FAN1: variants seen among roughly 807,000 people sequenced by gnomAD.
FAN1 encodes the protein fanconi-associated nuclease 1.
Under a neutral mutation model 104.9 loss-of-function variants are expected in FAN1, and 91 were observed. That is an observed-to-expected ratio of 0.87 (90% confidence interval 0.73 to 1.03). The LOEUF is 1.03. Among genes scored for constraint, FAN1 ranks in the 50% least tolerant of loss-of-function variants. The pLI, the probability that FAN1 is intolerant of heterozygous loss-of-function variation, is 0.00. For missense variants in FAN1, 1,263 were observed against 1,239.9 expected, an observed-to-expected ratio of 1.02 and a Z score of -0.28; for synonymous variants, 478 against 457.6, an observed-to-expected ratio of 1.04 and a Z score of -0.57.
chr15:30,923,386 C>T (rs953966518), intron 8 of FAN1, among the ~76,000 whole-genome samples: 2 of 152,090 alleles, frequency 1.3e-5, no homozygotes, highest in African/African-American at 4.8e-5. Context: ...AATAAAAGTT[C>T]AAGAGAGTAC....
rs921079259 is a variant in FAN1, at chr15:30,942,921, T to C, written c.*1359T>C. On this transcript the variant is annotated 3_prime_UTR_variant, in exon 15 of 15. Coordinates refer to ENST00000362065, the MANE Select transcript of FAN1 (RefSeq NM_014967.5). Reference sequence around the variant, plus strand: ...CCGTTTAAAAGACTTCACGGAGCCATTCTGTATACAAGGTGTGCTCTTTCC... The same window carrying C: ...CCGTTTAAAAGACTTCACGGAGCCACTCTGTATACAAGGTGTGCTCTTTCC... 2 of 1,568,488 alleles carry C rather than the reference T, an allele frequency of 1.3e-6. No homozygotes were observed. Among genetic ancestry groups the C allele is most frequent in the African/African-American group, 1.3e-5 (1 of 74,188 alleles).
intron 5 of FAN1, among the ~76,000 whole-genome samples, chr15:30,915,526 C>T (rs962213050): frequency 3.3e-5 from 5 of 151,912 alleles, no homozygotes; most frequent in Admixed American, 6.5e-5. Flanking sequence ...TCTAACTACT[C>T]GGGAGGCTGG....
intron 4 of FAN1, 63 bp from the exon 5 acceptor site, chr15:30,913,795 G>T: frequency 9.4e-7 from 1 of 1,062,502 alleles, no homozygotes; most frequent in South Asian, 1.5e-5. Context: ...AAAATAATTT[G>T]TAAAATCTGA....
chr15:30,940,270 G>C (rs1053437667), intron 14 of FAN1: 1 of 971,898 alleles, frequency 1.0e-6, no homozygotes. Flanking sequence ...CACACAGTTT[G>C]GAAATACTTT....
chr15:30,907,884 T>A (rs2062016616), intron 2 of FAN1, among the ~76,000 whole-genome samples: 1 of 152,208 alleles, frequency 6.6e-6, no homozygotes, highest in South Asian at 2.1e-4. Context: ...AGGGCTTTTC[T>A]GAGGGAGTAG....
At chr15:30,930,811 T>G (rs2062690355) in intron 13 of FAN1, 140 bp downstream of exon 13, 2 of 1,050,034 alleles carry the variant, frequency 1.9e-6, no homozygotes, top group South Asian at 2.7e-5. Flanking sequence ...TGGGTTCCTG[T>G]GGGCCTGTCC....
chr15:30,928,811 C>T (rs2140943888), intron 11 of FAN1, 155 bp downstream of exon 11: 1 of 982,322 alleles, frequency 1.0e-6, no homozygotes, highest in Non-Finnish European at 1.2e-6. Flanking sequence ...TTTTAAAAAT[C>T]TGAGTAATAG....
At position 30,928,539 on chromosome 15, in the gene FAN1, T is replaced by TGC; in HGVS notation, c.2489-13_2489-12insCG. ...GTGTGTGTGTGTGTGTGTGTGTGTG[T>TGC]GACCTTGTCTTAGGGATTCATGGCG... On this transcript the variant is annotated splice_polypyrimidine_tract_variant and intron_variant, in intron 10 of 14. Coordinates refer to ENST00000362065, the MANE Select transcript of FAN1 (RefSeq NM_014967.5). 6.2e-7 allele frequency: 1 copy of TGC among 1,611,294 alleles called. No homozygotes were observed. Among genetic ancestry groups the TGC allele is most frequent in the East Asian group, 2.2e-5 (1 of 44,868 alleles).
intron 6 of FAN1, among the ~76,000 whole-genome samples, chr15:30,920,212 T>C (rs1270290891): frequency 4.6e-5 from 7 of 150,820 alleles, no homozygotes; most frequent in Admixed American, 3.9e-4. Flanking sequence ...TTATTCTCTT[T>C]ATTTATTAAC....
chr15:30,936,880 C>G (rs1157819884), intron 13 of FAN1, among the ~76,000 whole-genome samples: 1 of 152,088 alleles, frequency 6.6e-6, no homozygotes, highest in Non-Finnish European at 1.5e-5. Context: ...GGGAAAAGAT[C>G]AACACTCAGA....
intron 14 of FAN1, chr15:30,939,941 T>A (rs1192555808): frequency 1.0e-6 from 1 of 985,016 alleles, no homozygotes; most frequent in Non-Finnish European, 1.2e-6. Context: ...AGATATTTTT[T>A]AAGAACTCCT....
chr15:30,928,572 C>T lies in FAN1; in HGVS notation c.2508C>T (p.Ser836=). 1 of 1,609,374 alleles carries T rather than the reference C, an allele frequency of 6.2e-7. No homozygotes were observed. Among genetic ancestry groups the T allele is most frequent in the Non-Finnish European group, 8.5e-7 (1 of 1,178,806 alleles). The change falls in exon 11 of 15, where the codon TCC becomes TCT. Residue 836 remains serine (S), a synonymous_variant. Coordinates refer to ENST00000362065, the MANE Select transcript of FAN1 (RefSeq NM_014967.5). Reference sequence around the variant, plus strand: ...TCTTAGGGATTCATGGCGAAGGGTCCACCTTCAGCACCCTGTATGGCCTCC... The same window carrying T: ...TCTTAGGGATTCATGGCGAAGGGTCTACCTTCAGCACCCTGTATGGCCTCC... ...GFDQGIHGEG[S]TFSTLYGLLL... is the part of the protein sequence containing the mutation.
At chr15:30,926,734 G>T (rs2062473074) in intron 10 of FAN1, 5 of 985,334 alleles carry the variant, frequency 5.1e-6, no homozygotes, top group Non-Finnish European at 6.0e-6. Context: ...GTGGAAACTG[G>T]ACACTCGCTG....
At chr15:30,925,042 C>T (rs1171289718) in intron 8 of FAN1, 85 bp from the exon 9 acceptor site, 2 of 1,396,160 alleles carry the variant, frequency 1.4e-6, no homozygotes, top group African/African-American at 1.4e-5. Context: ...CAATAATAAA[C>T]AGTGGGCTTT....
chr15:30,922,669 G>A (rs1326083109), intron 8 of FAN1, among the ~76,000 whole-genome samples: 1 of 152,228 alleles, frequency 6.6e-6, no homozygotes, highest in East Asian at 1.9e-4. Flanking sequence ...TCAGCCGTCA[G>A]CAAGTCAGCA....
At chr15:30,916,301 AAATG>A (rs931070728) in intron 5 of FAN1, among the ~76,000 whole-genome samples, 1 of 152,170 alleles carries the variant, frequency 6.6e-6, no homozygotes, top group African/African-American at 2.4e-5. Context: ...CTCATCTGTC[AAATG>A]GGGAGAATAA....
chr15:30,938,108 C>T (rs12914843), intron 14 of FAN1, among the ~76,000 whole-genome samples: 10,585 of 151,530 alleles, frequency 0.07, 407 homozygotes, highest in South Asian at 0.091. Flanking sequence ...GGCGTGAACC[C>T]GGGAGGTGGA....
chr15:30,936,479 C>T (rs2062855598), intron 13 of FAN1, among the ~76,000 whole-genome samples: 1 of 152,190 alleles, frequency 6.6e-6, no homozygotes, highest in Admixed American at 6.5e-5. Flanking sequence ...CCAGTGCATG[C>T]TTTAAAACAA....
Position 30,904,759 on chromosome 15 carries a change from G to C in FAN1, c.96G>C (p.Ser32=), listed in dbSNP as rs2061933510. 6.2e-7 allele frequency: 1 copy of C among 1,613,000 alleles called. No individual in the cohort carries two copies. The highest frequency in any genetic ancestry group is 1.3e-5 in the African/African-American group (1 of 74,878). Reference sequence around the variant, plus strand: ...AAAAAGCATCTAATTCTATTATTTCGTGTTTTAACAATGCACCACCTGCTA... The same window carrying C: ...AAAAAGCATCTAATTCTATTATTTCCTGTTTTAACAATGCACCACCTGCTA... ...NKKKASNSII[S]CFNNAPPAKL... Residue 32 remains serine (S), a synonymous_variant, in exon 2 of 15, where the codon TCG becomes TCC. Transcript: ENST00000362065.
Sources: gnomAD v4.1 joint callset for allele counts (sites outside exome capture counted in the v4.1 genomes callset) on GRCh38, gnomAD v4.1.1 for gene constraint, MANE v1.5 for transcripts, NCBI Gene and HGNC (gene_info 2026-07-23, HGNC 2026-07-21) for gene names.